The following ABCA13 variants were observed in gnomAD, a reference collection of about 807,000 sequenced individuals.
ABCA13 encodes the protein ATP-binding cassette sub-family A member 13.
In ABCA13, 476 loss-of-function variants were observed where a neutral mutation model predicts 478.7. The observed-to-expected ratio is 0.99, with a 90% confidence interval of 0.92 to 1.07. ABCA13 has a LOEUF of 1.07. Ranked by LOEUF, ABCA13 falls within the 50% of genes least tolerant of loss-of-function variation. ABCA13 has a pLI of 0.00. For synonymous variants in ABCA13, 2,252 were observed against 2,158.9 expected (o/e 1.04, Z -1.20); for missense variants, 6,060 against 5,910.6 (o/e 1.03, Z -0.83).
chr7:48,297,537 T>G (rs1799555992), intron 22 of ABCA13, among the ~76,000 whole-genome samples: 1 of 152,182 alleles, frequency 6.6e-6, no homozygotes, highest in Admixed American at 6.5e-5. Flanking sequence ...GTGGTCTGGA[T>G]TTTGCTCTGG....
At chr7:48,544,073 T>C (rs890896899) in intron 55 of ABCA13, among the ~76,000 whole-genome samples, 1 of 151,626 alleles carries the variant, frequency 6.6e-6, no homozygotes, top group Admixed American at 6.6e-5. Context: ...GCAAAATCAT[T>C]TAAAATAATA....
In ABCA13 at chr7:48,272,633, A is replaced by G. The variant is rs1795771536; in HGVS notation, c.2967A>G (p.Thr989=). 2 of 1,613,104 alleles carry G rather than the reference A, an allele frequency of 1.2e-6. No individual in the cohort carries two copies. Among genetic ancestry groups the G allele is most frequent in the Non-Finnish European group, 1.7e-6 (2 of 1,179,470 alleles). ...QSRGSSLTFL[T]QISKHILDII... ...GAGGCTCTTCGTTGACTTTCCTTAC[A>G]CAAATCTCAAAACACATTTTGGATA... Residue 989 remains threonine (T), a synonymous_variant, in exon 17 of 62, where the codon ACA becomes ACG. Coordinates refer to ENST00000435803, the MANE Select transcript of ABCA13 (RefSeq NM_152701.5).
At chr7:48,622,584 C>G (rs1016302016) in intron 59 of ABCA13, among the ~76,000 whole-genome samples, 1 of 152,134 alleles carries the variant, frequency 6.6e-6, no homozygotes, top group African/African-American at 2.4e-5. Flanking sequence ...CCTTTCTAGC[C>G]TATAGATATT....
intron 53 of ABCA13, among the ~76,000 whole-genome samples, chr7:48,523,074 A>G (rs1045407562): frequency 2.0e-5 from 3 of 152,196 alleles, no homozygotes; most frequent in Non-Finnish European, 4.4e-5. Flanking sequence ...AATAAACTGA[A>G]TACTGCCAAC....
intron 15 of ABCA13, among the ~76,000 whole-genome samples, chr7:48,250,410 C>A (rs930549428): frequency 1.3e-5 from 2 of 152,172 alleles, no homozygotes; most frequent in African/African-American, 4.8e-5. Context: ...GGAGGGAGAA[C>A]CTGAAAGTTC....
chr7:48,386,890 T>G (rs983758517), intron 35 of ABCA13, among the ~76,000 whole-genome samples: 1 of 152,124 alleles, frequency 6.6e-6, no homozygotes, highest in African/African-American at 2.4e-5. Flanking sequence ...ACTAATGGGA[T>G]CTAACTAAAG....
chr7:48,337,488 G>T (rs567134022), intron 28 of ABCA13, among the ~76,000 whole-genome samples: 7 of 152,350 alleles, frequency 4.6e-5, no homozygotes, highest in Admixed American at 2.0e-4. Context: ...GTAATAAGGT[G>T]AATGTGAGAA....
chr7:48,206,724 T>A (rs923377696), intron 3 of ABCA13, among the ~76,000 whole-genome samples: 1 of 152,134 alleles, frequency 6.6e-6, no homozygotes, highest in Admixed American at 6.6e-5. Flanking sequence ...AAATACACAA[T>A]GCATAATGAT....
intron 45 of ABCA13, among the ~76,000 whole-genome samples, chr7:48,475,808 C>G (rs757219077): frequency 6.6e-6 from 1 of 152,056 alleles, no homozygotes; most frequent in African/African-American, 2.4e-5. Context: ...GTCTCCAAAC[C>G]TACAAAAAGG....
At chr7:48,371,318 A>G (rs1466302903) in intron 32 of ABCA13, among the ~76,000 whole-genome samples, 1 of 152,176 alleles carries the variant, frequency 6.6e-6, no homozygotes, top group Non-Finnish European at 1.5e-5. Context: ...TTCTGTGAAG[A>G]GTGCCAATGG....
In ABCA13 at chr7:48,229,941, GA is replaced by G. The variant is rs1432969930; in HGVS notation, c.750del (p.Val251Ter). ...ISTLTFLQQH[G>X]VAVTEPVYHL... ...ACACTGACATTTCTGCAGCAACATG[GA>G]GTAGCAGTCACCGGTATGGGTGCCT... On this transcript the variant is annotated frameshift_variant, in exon 7 of 62. Transcript: ENST00000435803. LOFTEE classifies it high-confidence loss of function. 1 of 1,613,732 alleles carries G rather than the reference GA, an allele frequency of 6.2e-7. No individual in the cohort carries two copies. Among genetic ancestry groups the G allele is most frequent in the East Asian group, 2.2e-5 (1 of 44,892 alleles).
rs375905468 is a variant in ABCA13, at chr7:48,374,335, A to C, written c.11134-12A>C. 6.2e-7 allele frequency: 1 copy of C among 1,604,750 alleles called. No homozygotes were observed. The highest frequency in any genetic ancestry group is 1.7e-5 in the Admixed American group (1 of 58,544). On this transcript the variant is annotated splice_polypyrimidine_tract_variant and intron_variant, in intron 33 of 61. Transcript: ENST00000435803. ...ACTAACGTGCAGTTTTTCTCCATCA[A>C]TCTGTGGGCAGTGCCTTCTTTCGAC...
rs17132289 is a variant in ABCA13, at chr7:48,389,118, A to T, written c.11552A>T (p.Tyr3851Phe). 0.076 allele frequency: 122,046 copies of T among 1,613,862 alleles called. 5,177 individuals are homozygous for T. Among genetic ancestry groups the T allele is most frequent in the East Asian group, 0.13 (5,827 of 44,870 alleles). Reference protein sequence around the residue: ...GVTLVSVTKEYEGHKAVVQDL... With the variant: ...GVTLVSVTKEFEGHKAVVQDL... ...ACCCTGGTGTCTGTGACCAAGGAAT[A>T]TGAGGGCCACAAGGCTGTGGTCCAA... Residue 3851 changes from tyrosine (Y) to phenylalanine (F), a missense_variant, in exon 37 of 62, where the codon TAT becomes TTT. Tyr to Phe is a conservative substitution (Grantham distance 22). Around this residue, in one of 3 missense-constraint regions of ABCA13, gnomAD observed 1,627 missense variants for 1,571.0 expected, o/e 1.04. Transcript: ENST00000435803.
intron 48 of ABCA13, among the ~76,000 whole-genome samples, chr7:48,490,851 T>C (rs560115536): frequency 2.6e-4 from 40 of 152,276 alleles, no homozygotes; most frequent in African/African-American, 8.9e-4. Flanking sequence ...ATCTATGTAA[T>C]ATGTTAGGAA....
intron 7 of ABCA13, among the ~76,000 whole-genome samples, chr7:48,232,503 TAA>T (rs1259867712): frequency 6.6e-6 from 1 of 152,142 alleles, no homozygotes; most frequent in Admixed American, 6.5e-5. Context: ...GAGAGGTAAC[TAA>T]AAATTGTCTT....
intron 37 of ABCA13, among the ~76,000 whole-genome samples, chr7:48,389,999 T>C (rs988286341): frequency 1.3e-5 from 2 of 151,822 alleles, no homozygotes; most frequent in East Asian, 1.9e-4. Flanking sequence ...ACTGAAAAAA[T>C]AGAAAGAAAG....
chr7:48,644,794 C>T (rs1263924908), intron 61 of ABCA13, 40 bp downstream of exon 61: 2 of 1,530,614 alleles, frequency 1.3e-6, no homozygotes, highest in Non-Finnish European at 1.7e-6. Flanking sequence ...GAATTTTGGT[C>T]TGTTCATCAG....
rs2129075361 is a variant in ABCA13, at chr7:48,403,794, G to A, written c.11985G>A (p.Arg3995=). 1 of 1,613,960 alleles carries A rather than the reference G, an allele frequency of 6.2e-7. No homozygotes were observed. The highest frequency in any genetic ancestry group is 1.3e-5 in the African/African-American group (1 of 75,048). ...GCATTGCTTTCATGGGCATGTCGAG[G>A]ACCGTGGTTCTGGATGAGCCCACCA... is the stretch of plus-strand genomic sequence containing the variant. ...SLGIAFMGMS[R]TVVLDEPTSG... The change falls in exon 39 of 62, where the codon AGG becomes AGA. Residue 3995 remains arginine (R), a synonymous_variant. Coordinates refer to ENST00000435803, the MANE Select transcript of ABCA13 (RefSeq NM_152701.5).
chr7:48,330,409 A>G (rs908905175), intron 27 of ABCA13, among the ~76,000 whole-genome samples: 15 of 146,870 alleles, frequency 1.0e-4, no homozygotes, highest in Non-Finnish European at 1.9e-4. Flanking sequence ...CTATCTATCC[A>G]TCCATTCATT....
Sources: gnomAD v4.1 joint callset for allele counts (sites outside exome capture counted in the v4.1 genomes callset) on GRCh38, gnomAD v4.1.1 for gene constraint, gnomAD v4.1.1 regional missense constraint, MANE v1.5 for transcripts, NCBI Gene and HGNC (gene_info 2026-07-23, HGNC 2026-07-21) for gene names.